The following RIMBP2 variants were observed in gnomAD, a reference collection of about 807,000 sequenced individuals.
RIMBP2 encodes the protein RIMS binding protein 2.
In RIMBP2, 48 loss-of-function variants were observed where a neutral mutation model predicts 118.6. The observed-to-expected ratio is 0.40, with a 90% CI of 0.32 to 0.51. RIMBP2 has a LOEUF of 0.51. Ranked by LOEUF, RIMBP2 falls within the 20% of genes least tolerant of loss-of-function variation. The pLI, the probability that RIMBP2 is intolerant of heterozygous loss-of-function variation, is 0.41. For missense variants in RIMBP2, 1,551 were observed against 1,768.3 expected (o/e 0.88, Z 2.20); for synonymous variants, 762 against 742.9 (o/e 1.03, Z -0.42).
At chr12:130,492,704 C>T (rs1259974574) in intron 4 of RIMBP2, among the ~76,000 whole-genome samples, 5 of 152,246 alleles carry the variant, frequency 3.3e-5, no homozygotes, top group Non-Finnish European at 5.9e-5. Context: ...ATTTCCAACA[C>T]GTACAGGCTG....
chr12:130,586,666 C>A (rs2058905351), intron 2 of RIMBP2, among the ~76,000 whole-genome samples: 1 of 137,618 alleles, frequency 7.3e-6, no homozygotes, highest in Non-Finnish European at 1.5e-5. Flanking sequence ...ACACCTTATA[C>A]AAAAATCAAT....
intron 4 of RIMBP2, among the ~76,000 whole-genome samples, chr12:130,501,265 G>A (rs2049747191): frequency 6.6e-6 from 1 of 151,994 alleles, no homozygotes; most frequent in African/African-American, 2.4e-5. Flanking sequence ...ATGGCTCCCA[G>A]TGGGGTCCCT....
chr12:130,676,610 G>A (rs1388451223), intron 1 of RIMBP2, among the ~76,000 whole-genome samples: 4 of 151,242 alleles, frequency 2.6e-5, no homozygotes, highest in Admixed American at 6.6e-5. Context: ...GTGACAGAGC[G>A]AGAGTCTGTC....
intron 1 of RIMBP2, among the ~76,000 whole-genome samples, chr12:130,641,035 C>T (rs1024482416): frequency 3.3e-5 from 5 of 152,210 alleles, no homozygotes; most frequent in African/African-American, 9.7e-5. Flanking sequence ...TGGCACTCAG[C>T]GCTGTTTCTG....
At chr12:130,602,964 A>T (rs1214677325) in intron 2 of RIMBP2, among the ~76,000 whole-genome samples, 1 of 152,218 alleles carries the variant, frequency 6.6e-6, no homozygotes, top group African/African-American at 2.4e-5. Context: ...ATTTATAGAG[A>T]TGAGGTTTTC....
At chr12:130,438,334 AACCCTCCCC>A in intron 12 of RIMBP2, 22 bp downstream of exon 12, 1 of 1,344,510 alleles carries the variant, frequency 7.4e-7, no homozygotes, top group Non-Finnish European at 1.1e-6. Context: ...GGGCCTAACA[AACCCTCCCC>A]ACCCACCCAA....
intron 2 of RIMBP2, among the ~76,000 whole-genome samples, chr12:130,601,205 A>G (rs1363243831): frequency 1.3e-5 from 2 of 152,118 alleles, no homozygotes; most frequent in Non-Finnish European, 2.9e-5. Flanking sequence ...AGTAATCAAG[A>G]TCACAAGCTA....
intron 1 of RIMBP2, among the ~76,000 whole-genome samples, chr12:130,643,592 T>A (rs748576129): frequency 7.2e-5 from 11 of 152,094 alleles, no homozygotes; most frequent in Non-Finnish European, 1.2e-4. Flanking sequence ...TCCCCCACTT[T>A]ACAGATAAGA....
At chr12:130,661,922 TC>T (rs2063681784) in intron 1 of RIMBP2, among the ~76,000 whole-genome samples, 1 of 152,312 alleles carries the variant, frequency 6.6e-6, no homozygotes, top group East Asian at 1.9e-4. Context: ...TTCCCTCTTC[TC>T]TGCACTATTT....
rs570847686 is a variant in RIMBP2, at chr12:130,707,330, A to G, written c.-352+8892T>C. On this transcript the variant is annotated intron_variant, in intron 1 of 22. Transcript: ENST00000690449. ...GAGGCAACTGGGAGGAGCAGGGAACAAGGTCCCCCCCACGCCCAGGAGTCC... is the reference window on the plus strand; with the variant it reads ...GAGGCAACTGGGAGGAGCAGGGAACGAGGTCCCCCCCACGCCCAGGAGTCC... Among the ~76,000 whole-genome samples the G allele has an allele frequency of 7.7e-3, 1,179 of 152,252 alleles. 11 individuals carry two copies. Among genetic ancestry groups the G allele is most frequent in the Non-Finnish European group, 0.011 (736 of 68,016 alleles).
intron 1 of RIMBP2, among the ~76,000 whole-genome samples, chr12:130,650,007 G>A (rs1056410427): frequency 1.3e-5 from 2 of 151,920 alleles, no homozygotes; most frequent in South Asian, 2.1e-4. Context: ...TGAGGGAGGT[G>A]CAGAGTATAT....
intron 2 of RIMBP2, among the ~76,000 whole-genome samples, chr12:130,566,377 G>A (rs1454113382): frequency 2.0e-5 from 3 of 152,192 alleles, no homozygotes; most frequent in African/African-American, 7.2e-5. Context: ...TAAGGAGGCG[G>A]AGATTAACTT....
chr12:130,678,186 C>T (rs182044811), intron 1 of RIMBP2, among the ~76,000 whole-genome samples: 110 of 152,360 alleles, frequency 7.2e-4, no homozygotes, highest in African/African-American at 2.5e-3. Context: ...GAGCCAGACA[C>T]AGGCCTCCTG....
At chr12:130,518,726 G>A (rs1418235959) in intron 2 of RIMBP2, among the ~76,000 whole-genome samples, 1 of 152,168 alleles carries the variant, frequency 6.6e-6, no homozygotes, top group Non-Finnish European at 1.5e-5. Flanking sequence ...ATCACCTAGG[G>A]TGTGGTACAG....
At chr12:130,526,879 C>G (rs1407175508) in intron 2 of RIMBP2, among the ~76,000 whole-genome samples, 1 of 151,986 alleles carries the variant, frequency 6.6e-6, no homozygotes, top group Non-Finnish European at 1.5e-5. Flanking sequence ...TGGTTCTAGC[C>G]TAAAGGCATG....
At chr12:130,521,687 G>C (rs1384955617) in intron 2 of RIMBP2, among the ~76,000 whole-genome samples, 1 of 152,192 alleles carries the variant, frequency 6.6e-6, no homozygotes, top group African/African-American at 2.4e-5. Context: ...CTCCCACACT[G>C]CTGGGACCCT....
At position 130,399,799 on chromosome 12, in the gene RIMBP2, C is replaced by A; in HGVS notation, c.3780G>T (p.Gly1260=). The change falls in exon 22 of 23, where the codon GGG becomes GGT. Residue 1260 remains glycine (G), a synonymous_variant. Coordinates refer to ENST00000690449, the MANE Select transcript of RIMBP2 (RefSeq NM_001393629.1). ...AGTTTGAGGGCACAAGGCCTTTCTG[C>A]CCATTCAGCTCCCCCTAAAACACCA... ...EDGFYYGELN[G]QKGLVPSNFL... 6.2e-7 allele frequency: 1 copy of A among 1,614,130 alleles called. No individual in the cohort carries two copies. The highest frequency in any genetic ancestry group is 1.1e-5 in the South Asian group (1 of 91,084).
chr12:130,541,078 C>T (rs1194479972), intron 2 of RIMBP2, among the ~76,000 whole-genome samples: 1 of 152,096 alleles, frequency 6.6e-6, no homozygotes, highest in Non-Finnish European at 1.5e-5. Context: ...GAGTGATAGC[C>T]CTGCTCCATC....
At position 130,497,930 on chromosome 12, in the gene RIMBP2, A is replaced by G. The variant is rs189212176; in HGVS notation, c.-4+8718T>C. Among the ~76,000 whole-genome samples the G allele has an allele frequency of 3.3e-5, 5 of 152,276 alleles. No individual in the cohort carries two copies. The East Asian group carries it at 9.7e-4, about 29-fold the overall frequency. Reference sequence around the variant, plus strand: ...TCTGACACCAGCCTGGGCTGAGGAGATGCCGGAAATCACCAACTCTCCTGT... The same window carrying G: ...TCTGACACCAGCCTGGGCTGAGGAGGTGCCGGAAATCACCAACTCTCCTGT... On this transcript the variant is annotated intron_variant, in intron 4 of 22. Transcript: ENST00000690449.
Sources: allele counts gnomAD v4.1 joint callset (sites outside exome capture counted in the v4.1 genomes callset), GRCh38; gene constraint gnomAD v4.1.1; transcripts MANE v1.5; gene names NCBI Gene and HGNC (gene_info 2026-07-23, HGNC 2026-07-21).